Variants in CAMTA1 observed in about 807,000 individuals in gnomAD.
CAMTA1 encodes the protein calmodulin binding transcription activator 1, also known as calmodulin-binding transcription activator 1.
In CAMTA1, 27 loss-of-function variants were observed where a neutral mutation model predicts 170.9. The observed-to-expected ratio is 0.16, with a 90% CI of 0.12 to 0.22. The LOEUF is 0.22. Among genes scored for constraint, CAMTA1 ranks in the 10% least tolerant of loss-of-function variants. The pLI is 1.00. For missense variants in CAMTA1, 1,619 were observed against 2,217.2 expected, an observed-to-expected ratio of 0.73 and a Z score of 5.42; for synonymous variants, 833 against 891.5, an observed-to-expected ratio of 0.93 and a Z score of 1.17.
chr1:7,336,255 G>A (rs1051334598), intron 5 of CAMTA1, among the ~76,000 whole-genome samples: 21 of 152,238 alleles, frequency 1.4e-4, no homozygotes, highest in Admixed American at 1.3e-3. Flanking sequence ...GCCTGGGGCT[G>A]TGTGATGGAG....
intron 6 of CAMTA1, among the ~76,000 whole-genome samples, chr1:7,606,106 G>A (rs1165575713): frequency 1.3e-5 from 2 of 152,226 alleles, no homozygotes; most frequent in African/African-American, 4.8e-5. Flanking sequence ...GGCAAGTCTG[G>A]GAGGAGACTG....
At chr1:6,864,568 C>T (rs1394145295) in intron 3 of CAMTA1, among the ~76,000 whole-genome samples, 2 of 152,170 alleles carry the variant, frequency 1.3e-5, no homozygotes, top group African/African-American at 4.8e-5. Flanking sequence ...GCCCCTCTCG[C>T]CTTGTCCTCT....
Position 6,887,555 on chromosome 1 carries a change from C to T in CAMTA1, c.234+62345C>T. Reference sequence around the variant, plus strand: ...TTAGTTTGCCTTTACCCAGATGTCTCCTCCTCTCTCTGCCTCTGGAAATGG... The same window carrying T: ...TTAGTTTGCCTTTACCCAGATGTCTTCTCCTCTCTCTGCCTCTGGAAATGG... On this transcript the variant is annotated intron_variant, in intron 3 of 22. Transcript: ENST00000303635. This position sits in a 1 kb window ranked among gnomAD's most constrained non-coding sequence, Gnocchi z 4.1. The T allele has an allele frequency of 2.0e-6, 3 of 1,505,094 alleles. No individual in the cohort carries two copies. Among genetic ancestry groups the T allele is most frequent in the South Asian group, 1.3e-5 (1 of 79,742 alleles). 93.2% of individuals were successfully genotyped at this position (1,505,094 alleles called of 1,614,324 possible).
chr1:7,570,974 G>A lies in CAMTA1; in HGVS notation c.511-69426G>A, dbSNP rs1196514450. 6.6e-6 allele frequency among the ~76,000 whole-genome samples: 1 copy of A among 152,192 alleles called. No individual in the cohort carries two copies. The highest frequency in any genetic ancestry group is 1.5e-5 in the Non-Finnish European group (1 of 68,020). ...GTCGCCGGAGGTTGTGAGGATTAAA[G>A]GTGGTGTATCTGTAAGGTGTAAGGT... On this transcript the variant is annotated intron_variant, in intron 6 of 22. Coordinates refer to ENST00000303635, the MANE Select transcript of CAMTA1 (RefSeq NM_015215.4). This position sits in a 1 kb window ranked among gnomAD's most constrained non-coding sequence, Gnocchi z 4.3.
At chr1:7,288,725 A>G (rs1010325416) in intron 5 of CAMTA1, among the ~76,000 whole-genome samples, 3 of 152,250 alleles carry the variant, frequency 2.0e-5, no homozygotes, top group Non-Finnish European at 4.4e-5. Flanking sequence ...TGCAAAGCCC[A>G]AGAAGTGATG....
At chr1:7,401,739 T>G (rs1230923163) in intron 5 of CAMTA1, among the ~76,000 whole-genome samples, 25 of 152,244 alleles carry the variant, frequency 1.6e-4, no homozygotes, top group Non-Finnish European at 1.5e-5. Flanking sequence ...TTTGTTGCTA[T>G]CATAAATGAT....
chr1:7,752,603 C>G (rs1159755084), intron 21 of CAMTA1, 70 bp downstream of exon 21: 1 of 1,190,326 alleles, frequency 8.4e-7, no homozygotes, highest in African/African-American at 1.5e-5. Flanking sequence ...TCTTAACCCT[C>G]ACTAACTCCT....
intron 6 of CAMTA1, among the ~76,000 whole-genome samples, chr1:7,613,783 G>A (rs1345786110): frequency 1.3e-5 from 2 of 150,008 alleles, no homozygotes; most frequent in African/African-American, 2.5e-5. Context: ...TGGAGGGGTG[G>A]GTGGGAGCAG....
At chr1:7,514,852 T>A (rs565830264) in intron 6 of CAMTA1, among the ~76,000 whole-genome samples, 1 of 152,160 alleles carries the variant, frequency 6.6e-6, no homozygotes, top group Admixed American at 6.5e-5. Flanking sequence ...ACCCCATTAT[T>A]CGCTGCAGAG....
intron 6 of CAMTA1, among the ~76,000 whole-genome samples, chr1:7,542,601 G>A (rs551159018): frequency 1.2e-5 from 1 of 83,418 alleles, no homozygotes; most frequent in Non-Finnish European, 2.5e-5. Context: ...TGAGTAGCTG[G>A]GATTACAGGT....
chr1:7,082,367 G>A (rs1349177281), intron 3 of CAMTA1, among the ~76,000 whole-genome samples: 3 of 152,154 alleles, frequency 2.0e-5, no homozygotes, highest in Admixed American at 2.0e-4. Flanking sequence ...GAACCTATGA[G>A]GCAGAGGTTG....
intron 3 of CAMTA1, among the ~76,000 whole-genome samples, chr1:7,012,626 G>T (rs1302919389): frequency 6.6e-6 from 1 of 152,156 alleles, no homozygotes; most frequent in Admixed American, 6.5e-5. Flanking sequence ...TTGCCTGTCG[G>T]CAGCCTGTGA....
chr1:7,531,829 G>A (rs1575834013), intron 6 of CAMTA1, among the ~76,000 whole-genome samples: 1 of 152,242 alleles, frequency 6.6e-6, no homozygotes, highest in South Asian at 2.1e-4. Context: ...ACTATGACGG[G>A]GCAGGTTGCC....
At chr1:7,177,956 C>T (rs1651293791) in intron 4 of CAMTA1, among the ~76,000 whole-genome samples, 1 of 151,848 alleles carries the variant, frequency 6.6e-6, no homozygotes, top group South Asian at 2.1e-4. Context: ...ACGGAGGCTC[C>T]TCCCACACAC....
chr1:7,610,504 T>A (rs997706202), intron 6 of CAMTA1, among the ~76,000 whole-genome samples: 1 of 152,232 alleles, frequency 6.6e-6, no homozygotes, highest in East Asian at 1.9e-4. Flanking sequence ...GTTTCTCCTC[T>A]GTGGCCTAGC....
chr1:7,631,352 C>T (rs960880180), intron 6 of CAMTA1, among the ~76,000 whole-genome samples: 1 of 152,202 alleles, frequency 6.6e-6, no homozygotes, highest in African/African-American at 2.4e-5. Flanking sequence ...CCACAGAGCC[C>T]TGGGGCAGTG....
At chr1:7,418,018 T>C (rs2091308404) in intron 5 of CAMTA1, among the ~76,000 whole-genome samples, 1 of 151,802 alleles carries the variant, frequency 6.6e-6, no homozygotes, top group Non-Finnish European at 1.5e-5. Flanking sequence ...TCCTTGGCCA[T>C]TCCTCAGCTA....
At chr1:6,838,848 C>G (rs1487413784) in intron 3 of CAMTA1, among the ~76,000 whole-genome samples, 4 of 152,266 alleles carry the variant, frequency 2.6e-5, no homozygotes, top group Non-Finnish European at 2.9e-5. Flanking sequence ...CTTCAAATTC[C>G]TGGACCCAAG....
In CAMTA1 at chr1:7,609,811, C is replaced by T. The variant is rs540518146; in HGVS notation, c.511-30589C>T. ...CCCTCCCGCAGGGCACCTGTGAACA[C>T]GTGTGAGTGCCAGGAACTGAGGTTC... On this transcript the variant is annotated intron_variant, in intron 6 of 22. Coordinates refer to ENST00000303635, the MANE Select transcript of CAMTA1 (RefSeq NM_015215.4). This position sits in a 1 kb window ranked among gnomAD's most constrained non-coding sequence, Gnocchi z 4.4. 4.6e-5 allele frequency among the ~76,000 whole-genome samples: 7 copies of T among 152,302 alleles called. No homozygotes were observed. Among genetic ancestry groups the T allele is most frequent in the South Asian group, 4.1e-4 (2 of 4,828 alleles).
Sources: allele counts gnomAD v4.1 joint callset (sites outside exome capture counted in the v4.1 genomes callset), GRCh38; gene constraint gnomAD v4.1.1; non-coding constraint Gnocchi (gnomAD v3.1); transcripts MANE v1.5; gene names NCBI Gene and HGNC (gene_info 2026-07-23, HGNC 2026-07-21).